The following GADL1 variants were observed in gnomAD, a reference collection of about 807,000 sequenced individuals.
GADL1 encodes acidic amino acid decarboxylase GADL1.
In GADL1, 71 loss-of-function variants were observed where a neutral mutation model predicts 69.5. The ratio of observed to expected loss-of-function variants is 1.02; its 90% confidence interval spans 0.84 to 1.25. The LOEUF (loss-of-function observed/expected upper bound fraction) is 1.25. GADL1 is among the 50% of genes most tolerant of loss of function. The pLI, the probability that GADL1 is intolerant of heterozygous loss-of-function variation, is 0.00. For missense variants in GADL1, 737 were observed against 631.8 expected, an observed-to-expected ratio of 1.17 and a Z score of -1.79; for synonymous variants, 254 against 214.4, an observed-to-expected ratio of 1.18 and a Z score of -1.62.
chr3:30,775,987 G>C (rs1407962174), intron 14 of GADL1, among the ~76,000 whole-genome samples: 2 of 152,152 alleles, frequency 1.3e-5, no homozygotes, highest in East Asian at 1.9e-4. Context: ...CGGGAGACTA[G>C]GGATGTGGGA....
At chr3:30,776,675 C>G (rs901826869) in intron 14 of GADL1, among the ~76,000 whole-genome samples, 1 of 152,206 alleles carries the variant, frequency 6.6e-6, no homozygotes, top group African/African-American at 2.4e-5. Flanking sequence ...AAAGGACACG[C>G]TGCCAAGTGA....
intron 1 of GADL1, among the ~76,000 whole-genome samples, chr3:30,865,027 C>T (rs1333940932): frequency 2.0e-5 from 3 of 151,874 alleles, no homozygotes; most frequent in Non-Finnish European, 4.4e-5. Flanking sequence ...AGCTAACATC[C>T]TTCTAATAAC....
At chr3:30,827,228 C>T (rs781501365) in intron 11 of GADL1, among the ~76,000 whole-genome samples, 1 of 151,774 alleles carries the variant, frequency 6.6e-6, no homozygotes, top group Non-Finnish European at 1.5e-5. Flanking sequence ...AGTAGTAGAG[C>T]GATAGTGGTG....
At chr3:30,893,841 TGA>T (rs1377277726) in intron 1 of GADL1, among the ~76,000 whole-genome samples, 3 of 152,196 alleles carry the variant, frequency 2.0e-5, no homozygotes, top group Non-Finnish European at 4.4e-5. Flanking sequence ...GCTTCAACTT[TGA>T]GACTTCATTA....
intron 11 of GADL1, among the ~76,000 whole-genome samples, chr3:30,815,412 G>T (rs1020345285): frequency 6.6e-5 from 10 of 152,180 alleles, no homozygotes; most frequent in Non-Finnish European, 1.2e-4. Context: ...GAGAATTATG[G>T]TTTCCAAACC....
At chr3:30,744,810 T>G (rs188769896) in intron 14 of GADL1, among the ~76,000 whole-genome samples, 22 of 152,314 alleles carry the variant, frequency 1.4e-4, no homozygotes, top group Non-Finnish European at 2.2e-4. Context: ...AAAGCAGCCA[T>G]AAATAATAGA....
intron 11 of GADL1, among the ~76,000 whole-genome samples, chr3:30,814,988 TTC>T (rs1332779623): frequency 2.0e-5 from 3 of 151,726 alleles, no homozygotes; most frequent in African/African-American, 7.3e-5. Flanking sequence ...AAAAATTTTT[TTC>T]ATTAAGGCAA....
intron 1 of GADL1, among the ~76,000 whole-genome samples, chr3:30,866,540 T>C (rs1039638356): frequency 5.9e-5 from 9 of 151,268 alleles, no homozygotes; most frequent in Non-Finnish European, 8.8e-5. Context: ...AAAGGGGAGG[T>C]CTTCTCAGAT....
intron 14 of GADL1, among the ~76,000 whole-genome samples, chr3:30,763,497 G>A (rs952603553): frequency 1.5e-3 from 135 of 92,184 alleles, no homozygotes; most frequent in African/African-American, 5.4e-3. Flanking sequence ...GCAAGACTCC[G>A]TCTCGGCGGC....
At chr3:30,782,905 T>C (rs1357605102) in intron 13 of GADL1, among the ~76,000 whole-genome samples, 1 of 152,204 alleles carries the variant, frequency 6.6e-6, no homozygotes, top group African/African-American at 2.4e-5. Flanking sequence ...GCTTTGGATT[T>C]AGCAATTAGG....
intron 11 of GADL1, among the ~76,000 whole-genome samples, chr3:30,822,944 A>T (rs999790011): frequency 6.6e-6 from 1 of 152,042 alleles, no homozygotes; most frequent in African/African-American, 2.4e-5. Context: ...GGCTGAATAA[A>T]CAAATGCTTA....
intron 14 of GADL1, among the ~76,000 whole-genome samples, chr3:30,773,229 T>C (rs1274601510): frequency 6.6e-6 from 1 of 152,184 alleles, no homozygotes; most frequent in Non-Finnish European, 1.5e-5. Context: ...TCTAAGGTAA[T>C]ACATGTAGAT....
Position 30,750,195 on chromosome 3 carries a change from G to T in GADL1, c.1393-21780C>A, listed in dbSNP as rs182600337. On this transcript the variant is annotated intron_variant, in intron 14 of 14. Coordinates refer to ENST00000282538, the MANE Select transcript of GADL1 (RefSeq NM_207359.3). ...AATATTTTAATGAATGGGACAGAAG[G>T]CGCTAAAATTACAATCAGAAGAGCA... Among the ~76,000 whole-genome samples, 14 of 152,224 alleles carry T rather than the reference G, an allele frequency of 9.2e-5. No homozygotes were observed. In the East Asian group the frequency reaches 2.3e-3, roughly 25 times the overall value.
chr3:30,816,307 T>C (rs907114071), intron 11 of GADL1, among the ~76,000 whole-genome samples: 3 of 151,988 alleles, frequency 2.0e-5, no homozygotes, highest in African/African-American at 7.2e-5. Context: ...AGGACTCAAG[T>C]GGGCAAAGAA....
intron 14 of GADL1, among the ~76,000 whole-genome samples, chr3:30,767,934 TGAC>T (rs1696322668): frequency 6.6e-6 from 1 of 151,950 alleles, no homozygotes; most frequent in African/African-American, 2.4e-5. Context: ...ATGAATACAC[TGAC>T]AATCAGTAAA....
Position 30,728,037 on chromosome 3 carries a change from C to A in GADL1, c.*205G>T. 4 of 429,888 alleles carry A rather than the reference C, an allele frequency of 9.3e-6. No homozygotes were observed. The highest frequency in any genetic ancestry group is 3.5e-5 in the East Asian group (1 of 28,776). 26.6% of individuals were successfully genotyped at this position (429,888 alleles called of 1,614,324 possible). The stretch of plus-strand genomic sequence containing the variant: ...TGAGAAAATCATTTTTTTTTTTAAA[C>A]TTTCTTCTTTTAGCAACAGTAATGC... On this transcript the variant is annotated 3_prime_UTR_variant, in exon 15 of 15. Coordinates refer to ENST00000282538, the MANE Select transcript of GADL1 (RefSeq NM_207359.3).
chr3:30,849,763 C>T (rs940103840), intron 6 of GADL1, among the ~76,000 whole-genome samples: 4 of 151,850 alleles, frequency 2.6e-5, no homozygotes, highest in Non-Finnish European at 5.9e-5. Context: ...ATATTCTTTT[C>T]TTAAAATGTT....
intron 14 of GADL1, among the ~76,000 whole-genome samples, chr3:30,753,931 T>C (rs1322871115): frequency 6.6e-6 from 1 of 152,032 alleles, no homozygotes; most frequent in East Asian, 1.9e-4. Context: ...AGGGAAGCAA[T>C]TGCCTAAAAT....
intron 11 of GADL1, among the ~76,000 whole-genome samples, chr3:30,829,135 G>C (rs143264092): frequency 1.5e-4 from 23 of 149,512 alleles, no homozygotes; most frequent in African/African-American, 5.2e-4. Flanking sequence ...ATCCAAAACA[G>C]CCACGCAAAT....
Sources: gnomAD v4.1 joint callset for allele counts (sites outside exome capture counted in the v4.1 genomes callset) on GRCh38, gnomAD v4.1.1 for gene constraint, MANE v1.5 for transcripts, NCBI Gene and HGNC (gene_info 2026-07-23, HGNC 2026-07-21) for gene names.